Variants in RLF observed in about 807,000 individuals in gnomAD.
RLF encodes the protein zinc finger protein Rlf.
RLF carries 7 observed loss-of-function variants against 162.9 expected under a neutral mutation model. The observed-to-expected ratio is 0.04, with a 90% CI of 0.02 to 0.08. The LOEUF (loss-of-function observed/expected upper bound fraction) is 0.08, where lower values mean the gene tolerates loss of function less well. Among genes scored for constraint, RLF ranks in the 10% least tolerant of loss-of-function variants. The pLI is 1.00. For missense variants in RLF, 1,664 were observed against 2,244.7 expected (o/e 0.74, Z 5.23); for synonymous variants, 782 against 791.5 (o/e 0.99, Z 0.20).
At position 40,235,899 on chromosome 1, in the gene RLF, C is replaced by T; in HGVS notation, c.1197C>T (p.Ala399=). ...AGGCATCAGTTTGTAAAACAATTGC[C>T]TGTCTTTTACCAGAAGATTTAGAAG... ...EMKASVCKTI[A]CLLPEDLEVR... is the part of the protein sequence containing the mutation. The change falls in exon 8 of 8, where the codon GCC becomes GCT. Residue 399 remains alanine (A), a synonymous_variant. Coordinates refer to ENST00000372771, the MANE Select transcript of RLF (RefSeq NM_012421.4). 1 of 1,614,000 alleles carries T rather than the reference C, an allele frequency of 6.2e-7. No homozygotes were observed. Among genetic ancestry groups the T allele is most frequent in the Non-Finnish European group, 8.5e-7 (1 of 1,179,982 alleles).
In RLF at chr1:40,239,626, T is replaced by C. The variant is rs775092839; in HGVS notation, c.4924T>C (p.Cys1642Arg). 1.2e-6 allele frequency: 2 copies of C among 1,614,164 alleles called. No homozygotes were observed. The highest frequency in any genetic ancestry group is 1.7e-5 in the Admixed American group (1 of 60,012). Reference sequence around the variant, plus strand: ...TGCACCCATCCAGAACACTGATTGCTGTCATTCAAGTGAAAGGGATGGAGG... The same window carrying C: ...TGCACCCATCCAGAACACTGATTGCCGTCATTCAAGTGAAAGGGATGGAGG... The part of the protein sequence containing the change: ...SSAPIQNTDC[C>R]HSSERDGGQK... The change falls in exon 8 of 8, where the codon TGT becomes CGT. Residue 1642 changes from cysteine (C) to arginine (R), a missense_variant. Physicochemically the swap from Cys to Arg is radical, Grantham distance 180. This residue lies in a region of RLF where 327 missense variants were observed against 342.7 expected (regional missense o/e 0.95). Transcript: ENST00000372771.
chr1:40,189,007 C>G (rs1177189003), intron 1 of RLF, 48 bp from the exon 2 acceptor site: 1 of 1,297,216 alleles, frequency 7.7e-7, no homozygotes, highest in Admixed American at 2.2e-5. Flanking sequence ...CAAAGACAAT[C>G]TGTTTCATTA....
chr1:40,218,258 C>CAT (rs1642951369), intron 5 of RLF, among the ~76,000 whole-genome samples: 1 of 152,220 alleles, frequency 6.6e-6, no homozygotes, highest in Non-Finnish European at 1.5e-5. Flanking sequence ...ACTCCACCTT[C>CAT]ATATGGTTGC....
intron 1 of RLF, among the ~76,000 whole-genome samples, chr1:40,165,436 G>A (rs781745419): frequency 6.6e-6 from 1 of 152,186 alleles, no homozygotes; most frequent in Non-Finnish European, 1.5e-5. Flanking sequence ...ATCTCAGGCC[G>A]TGTCTTTCCC....
At chr1:40,184,979 G>C (rs1475774619) in intron 1 of RLF, among the ~76,000 whole-genome samples, 2 of 152,060 alleles carry the variant, frequency 1.3e-5, no homozygotes, top group Non-Finnish European at 2.9e-5. Flanking sequence ...GCTCACACCT[G>C]TAATCCCAGC....
intron 3 of RLF, among the ~76,000 whole-genome samples, chr1:40,191,253 C>T (rs1489961740): frequency 6.6e-6 from 1 of 152,110 alleles, no homozygotes; most frequent in Non-Finnish European, 1.5e-5. Context: ...AAGAATTGTA[C>T]CTGGCTGGGT....
At position 40,236,651 on chromosome 1, in the gene RLF, A is replaced by T. The variant is rs759335977; in HGVS notation, c.1949A>T (p.Glu650Val). Residue 650 changes from glutamate to valine, a missense_variant, in exon 8 of 8, where the codon GAG becomes GTG. Physicochemically the swap from Glu to Val is moderately radical, Grantham distance 121. Around this residue, in one of 15 missense-constraint regions of RLF, gnomAD observed 50 missense variants for 46.7 expected, o/e 1.07. Transcript: ENST00000372771. This position sits in a 1 kb window ranked among gnomAD's most constrained non-coding sequence, Gnocchi z 7.7. ...NHSLNDQAKG[E>V]SHEYVTFSKL... is the part of the protein sequence containing the mutation. ...TCATTGAATGACCAAGCCAAAGGAG[A>T]GTCTCATGAATATGTCACATTCAGC... 26 of 1,614,138 alleles carry T rather than the reference A, an allele frequency of 1.6e-5. No individual in the cohort carries two copies. The highest frequency in any genetic ancestry group is 1.9e-5 in the Non-Finnish European group (23 of 1,180,022).
chr1:40,233,373 T>G (rs530616258), intron 7 of RLF, among the ~76,000 whole-genome samples: 1 of 152,324 alleles, frequency 6.6e-6, no homozygotes, highest in Non-Finnish European at 1.5e-5. Context: ...CCCAGCCAGA[T>G]TAGGCTGTTT....
intron 5 of RLF, among the ~76,000 whole-genome samples, chr1:40,221,886 C>T (rs1253448159): frequency 1.2e-4 from 12 of 102,446 alleles, no homozygotes; most frequent in African/African-American, 1.6e-4. Context: ...GGCGACACAG[C>T]GAGACTCCGT....
rs144143908 is a variant in RLF at position 40,239,759 on chromosome 1, G to A, written c.5057G>A (p.Cys1686Tyr). ...HSSKTTSLEQ[C>Y]NIVQPPPPCK... ...TCCAAAACCACTTCCCTAGAACAGT[G>A]TAATATAGTTCAGCCTCCTCCTCCT... The change falls in exon 8 of 8, where the codon TGT becomes TAT. Residue 1686 changes from cysteine (C) to tyrosine (Y), a missense_variant. By Grantham distance (194) the Cys-to-Tyr change is radical (BLOSUM62 -2). This residue lies in a region of RLF where 327 missense variants were observed against 342.7 expected (regional missense o/e 0.95). Coordinates refer to ENST00000372771, the MANE Select transcript of RLF (RefSeq NM_012421.4). 1,118 of 1,614,166 alleles carry A rather than the reference G, an allele frequency of 6.9e-4. No homozygotes were observed. The highest frequency in any genetic ancestry group is 8.5e-4 in the Non-Finnish European group (1,004 of 1,180,008).
intron 3 of RLF, among the ~76,000 whole-genome samples, chr1:40,193,722 G>A (rs1570533642): frequency 6.6e-6 from 1 of 152,002 alleles, no homozygotes; most frequent in African/African-American, 2.4e-5. Context: ...CATATTTTAA[G>A]TCCTTTCTCA....
chr1:40,165,848 A>T (rs1483405009), intron 1 of RLF, among the ~76,000 whole-genome samples: 1 of 152,174 alleles, frequency 6.6e-6, no homozygotes, highest in Non-Finnish European at 1.5e-5. Context: ...GCCTTTTAGA[A>T]TCCAGACCAC....
At chr1:40,211,680 G>A (rs1642866709) in intron 5 of RLF, among the ~76,000 whole-genome samples, 1 of 151,968 alleles carries the variant, frequency 6.6e-6, no homozygotes, top group African/African-American at 2.4e-5. Flanking sequence ...GGAGTGCAAT[G>A]GCGTGATATC....
intron 3 of RLF, among the ~76,000 whole-genome samples, chr1:40,194,077 A>G (rs760104900): frequency 2.0e-5 from 3 of 152,242 alleles, no homozygotes; most frequent in Non-Finnish European, 2.9e-5. Context: ...ATACTGAATT[A>G]CATTTCTGAC....
chr1:40,220,792 T>C (rs972394576), intron 5 of RLF, among the ~76,000 whole-genome samples: 2 of 152,108 alleles, frequency 1.3e-5, no homozygotes, highest in Non-Finnish European at 2.9e-5. Context: ...TCCTCAAGTT[T>C]ATAGTCTAGC....
chr1:40,169,746 G>A (rs1476660987), intron 1 of RLF, among the ~76,000 whole-genome samples: 1 of 147,936 alleles, frequency 6.8e-6, no homozygotes, highest in Admixed American at 6.7e-5. Context: ...AGGCTGGAGT[G>A]CAGTGACGTG....
At chr1:40,171,734 A>C (rs190950447) in intron 1 of RLF, among the ~76,000 whole-genome samples, 6 of 152,326 alleles carry the variant, frequency 3.9e-5, no homozygotes, top group Middle Eastern at 3.4e-3. Context: ...GGAAAAATAC[A>C]TATAGAATGT....
At position 40,195,753 on chromosome 1, in the gene RLF, A is replaced by G; in HGVS notation, c.596A>G (p.Glu199Gly). The G allele has an allele frequency of 6.2e-7, 1 of 1,613,686 alleles. No homozygotes were observed. Among genetic ancestry groups the G allele is most frequent in the South Asian group, 1.1e-5 (1 of 91,008 alleles). ...AAAATTCTGTCTCAACAGCCAGTAG[A>G]AACGGAGGAAGGTAAGTCTTAAGAC... ...LLKILSQQPV[E>G]TEEVNKLIAQ... Residue 199 changes from glutamate (E) to glycine (G), a missense_variant, in exon 4 of 8, where the codon GAA becomes GGA. Coordinates refer to ENST00000372771, the MANE Select transcript of RLF (RefSeq NM_012421.4).
chr1:40,178,861 G>T (rs1201633554), intron 1 of RLF, among the ~76,000 whole-genome samples: 1 of 151,344 alleles, frequency 6.6e-6, no homozygotes, highest in African/African-American at 2.4e-5. Context: ...TTGAGATGGA[G>T]CCTCGCTGTG....
Sources: gnomAD v4.1 joint callset for allele counts (sites outside exome capture counted in the v4.1 genomes callset) on GRCh38, gnomAD v4.1.1 for gene constraint, gnomAD v4.1.1 regional missense constraint, Gnocchi (gnomAD v3.1) non-coding constraint, MANE v1.5 for transcripts, NCBI Gene and HGNC (gene_info 2026-07-23, HGNC 2026-07-21) for gene names.